Variants in MKLN1 observed in about 807,000 individuals in gnomAD.
MKLN1 encodes the protein muskelin.
Under a neutral mutation model 99.0 loss-of-function variants are expected in MKLN1, and 18 were observed. The observed-to-expected ratio is 0.18, with a 90% CI of 0.13 to 0.27. MKLN1 has a LOEUF of 0.27. Ranked by LOEUF, MKLN1 falls within the 10% of genes least tolerant of loss-of-function variation. The pLI is 1.00. For missense variants in MKLN1, 621 were observed against 875.9 expected (o/e 0.71, Z 3.67); for synonymous variants, 288 against 293.2 (o/e 0.98, Z 0.18).
chr7:131,267,600 C>T (rs146400167), intron 3 of MKLN1, among the ~76,000 whole-genome samples: 1 of 152,128 alleles, frequency 6.6e-6, no homozygotes, highest in Non-Finnish European at 1.5e-5. Flanking sequence ...GAGAGTTGAC[C>T]AGTAGATTCC....
chr7:131,436,565 A>G (rs1488830204), intron 9 of MKLN1, among the ~76,000 whole-genome samples: 1 of 152,148 alleles, frequency 6.6e-6, no homozygotes, highest in Admixed American at 6.5e-5. Context: ...CTTACTTCCT[A>G]GTTTTGTGAC....
At chr7:131,326,112 A>G (rs916048043), upstream of MKLN1, among the ~76,000 whole-genome samples, 3 of 152,252 alleles carry the variant, frequency 2.0e-5, no homozygotes, top group Non-Finnish European at 4.4e-5. Context: ...AAGTGGAATT[A>G]TAAAATCTGG....
At chr7:131,480,894 T>C (rs1797105017) in intron 17 of MKLN1, among the ~76,000 whole-genome samples, 1 of 152,234 alleles carries the variant, frequency 6.6e-6, no homozygotes, top group Non-Finnish European at 1.5e-5. Context: ...ATTTTTAGCC[T>C]TTAGAACAAG....
intron 3 of MKLN1, among the ~76,000 whole-genome samples, chr7:131,275,949 GA>G (rs1243919283): frequency 1.3e-5 from 2 of 152,164 alleles, no homozygotes; most frequent in Admixed American, 1.3e-4. Context: ...GGTTGGGTCA[GA>G]AAGAAGACCC....
intron 4 of MKLN1, among the ~76,000 whole-genome samples, chr7:131,392,428 A>G (rs535387463): frequency 4.5e-4 from 69 of 152,298 alleles, no homozygotes; most frequent in Non-Finnish European, 8.8e-4. Context: ...GAAGTATACT[A>G]TTAAGAGGAA....
chr7:131,275,553 ATATATATATATATATTTTTTTTT>A (rs1195717883), intron 3 of MKLN1, among the ~76,000 whole-genome samples: 247 of 14,866 alleles, frequency 0.017, 6 homozygotes, highest in African/African-American at 0.069. Context: ...ATATATATAT[ATATATATATATATATTTTTTTTT>A]TTTTTTTTTT....
intron 1 of MKLN1, among the ~76,000 whole-genome samples, chr7:131,371,477 T>A (rs1330569675): frequency 1.3e-5 from 2 of 152,194 alleles, no homozygotes; most frequent in Non-Finnish European, 2.9e-5. Context: ...TACATTGACA[T>A]CTCTGAAGAG....
intron 2 of MKLN1, among the ~76,000 whole-genome samples, chr7:131,156,159 A>T (rs1038694865): frequency 3.3e-5 from 5 of 152,192 alleles, no homozygotes; most frequent in Admixed American, 6.5e-5. Flanking sequence ...TTTAATAGCA[A>T]AAAATGCAAT....
At chr7:131,336,793 T>C (rs1799262667) in intron 1 of MKLN1, among the ~76,000 whole-genome samples, 1 of 152,192 alleles carries the variant, frequency 6.6e-6, no homozygotes, top group African/African-American at 2.4e-5. Flanking sequence ...ATCCAGAGAC[T>C]GTTGTTTTGT....
intron 1 of MKLN1, among the ~76,000 whole-genome samples, chr7:131,364,656 T>A (rs774024951): frequency 6.6e-6 from 1 of 152,036 alleles, no homozygotes; most frequent in South Asian, 2.1e-4. Context: ...TAGTCCCAAG[T>A]GTCTGTTGTT....
At chr7:131,217,845 G>A (rs1797006284) in intron 3 of MKLN1, among the ~76,000 whole-genome samples, 1 of 152,202 alleles carries the variant, frequency 6.6e-6, no homozygotes, top group Non-Finnish European at 1.5e-5. Context: ...ACAGATTAAT[G>A]TGTAATCGCC....
chr7:131,296,679 A>G (rs1328219159), intron 3 of MKLN1, among the ~76,000 whole-genome samples: 2 of 152,164 alleles, frequency 1.3e-5, no homozygotes, highest in East Asian at 3.9e-4. Flanking sequence ...GCTTGATGCC[A>G]GGAGTTTGAG....
chr7:131,175,030 AGATGGATGGATGGATGGATG>A (rs66786066), intron 2 of MKLN1, among the ~76,000 whole-genome samples: 73 of 148,362 alleles, frequency 4.9e-4, no homozygotes, highest in Middle Eastern at 6.9e-3. Flanking sequence ...ATAGATAGGC[AGATGGATGGATGGATGGATG>A]GATGGATGGA....
At chr7:131,236,947 C>T (rs1797330897) in intron 3 of MKLN1, among the ~76,000 whole-genome samples, 1 of 152,098 alleles carries the variant, frequency 6.6e-6, no homozygotes, top group African/African-American at 2.4e-5. Context: ...TGATTGCACA[C>T]CATTGCACTC....
At chr7:131,392,054 A>T (rs1794210635) in intron 4 of MKLN1, among the ~76,000 whole-genome samples, 1 of 152,188 alleles carries the variant, frequency 6.6e-6, no homozygotes, top group African/African-American at 2.4e-5. Flanking sequence ...TTGGGAAGGG[A>T]AAGCTCAGCA....
intron 12 of MKLN1, among the ~76,000 whole-genome samples, chr7:131,447,664 CAG>C (rs1796053705): frequency 6.6e-6 from 1 of 152,188 alleles, no homozygotes; most frequent in African/African-American, 2.4e-5. Context: ...CATGCTGACT[CAG>C]TGCTAGACTA....
At chr7:131,234,222 C>A (rs1029762232) in intron 3 of MKLN1, among the ~76,000 whole-genome samples, 3 of 152,000 alleles carry the variant, frequency 2.0e-5, no homozygotes, top group Admixed American at 2.0e-4. Context: ...TCAGGTGATC[C>A]GCCTGCCTCG....
rs776896958 is a variant in MKLN1, at chr7:131,397,244, C to G, written c.401-23C>G. The G allele has an allele frequency of 8.3e-6, 12 of 1,437,850 alleles. No individual in the cohort carries two copies. The East Asian group carries it at 2.7e-4, about 33-fold the overall frequency. 89.1% of individuals were successfully genotyped at this position (1,437,850 alleles called of 1,614,324 possible). A position where few individuals can be genotyped will look rare whatever the true frequency, so the allele number is the denominator to read the frequency against. On this transcript the variant is annotated intron_variant, in intron 4 of 17. Coordinates refer to ENST00000352689, the MANE Select transcript of MKLN1 (RefSeq NM_013255.5). ...GAACTGTGTTAATATTTTTCTTCTT[C>G]TTTTTGTTTTTTCTCCTTAAAGTTC...
intron 3 of MKLN1, among the ~76,000 whole-genome samples, chr7:131,300,151 A>AG (rs1798354500): frequency 6.6e-6 from 1 of 152,076 alleles, no homozygotes; most frequent in Non-Finnish European, 1.5e-5. Flanking sequence ...ATTGTGGGTA[A>AG]GGGGGAGAGA....
Sources: gnomAD v4.1 joint callset for allele counts (sites outside exome capture counted in the v4.1 genomes callset) on GRCh38, gnomAD v4.1.1 for gene constraint, MANE v1.5 for transcripts, NCBI Gene and HGNC (gene_info 2026-07-23, HGNC 2026-07-21) for gene names.